The following BMPER variants were observed in gnomAD, a reference collection of about 807,000 sequenced individuals.
BMPER encodes BMP binding endothelial regulator.
In BMPER, 45 loss-of-function variants were observed where a neutral mutation model predicts 87.3. The ratio of observed to expected loss-of-function variants is 0.52; its 90% CI spans 0.41 to 0.66. The LOEUF is 0.66. Among genes scored for constraint, BMPER ranks in the 30% least tolerant of loss-of-function variants. The pLI is 0.00. For synonymous variants in BMPER, 326 were observed against 316.2 expected (o/e 1.03, Z -0.33); for missense variants, 784 against 867.5 (o/e 0.90, Z 1.21).
intron 13 of BMPER, among the ~76,000 whole-genome samples, chr7:34,118,673 A>G (rs1232518685): frequency 6.6e-6 from 1 of 152,202 alleles, no homozygotes; most frequent in African/African-American, 2.4e-5. Context: ...GCAACCATAT[A>G]CAAATAGTCA....
chr7:34,024,357 C>CAAAAAAAAAAAAAAAA (rs1169634357), intron 6 of BMPER, among the ~76,000 whole-genome samples: 1 of 4,654 alleles, frequency 2.1e-4, no homozygotes, highest in African/African-American at 1.2e-3. Flanking sequence ...AACTCTGTCT[C>CAAAAAAAAAAAAAAAA]AAAAAAAAAA....
Position 33,905,637 on chromosome 7 carries a change from G to T in BMPER, c.24G>T (p.Gly8=). 1 of 1,613,190 alleles carries T rather than the reference G, an allele frequency of 6.2e-7. No individual in the cohort carries two copies. The highest frequency in any genetic ancestry group is 8.5e-7 in the Non-Finnish European group (1 of 1,179,920). Residue 8 remains glycine, a synonymous_variant, in exon 1 of 15, where the codon GGG becomes GGT. Coordinates refer to ENST00000649409, the MANE Select transcript of BMPER (RefSeq NM_001365308.1). ...CGATGCTCTGGTTCTCCGGCGTCGGGGCTCTGGCTGAGCGTTACTGCCGCC... is the reference window on the plus strand; with the variant it reads ...CGATGCTCTGGTTCTCCGGCGTCGGTGCTCTGGCTGAGCGTTACTGCCGCC... MLWFSGV[G]ALAERYCRRS...
chr7:33,979,879 TGTG>T (rs1025717044), intron 6 of BMPER, among the ~76,000 whole-genome samples: 1 of 152,268 alleles, frequency 6.6e-6, no homozygotes, highest in Non-Finnish European at 1.5e-5. Flanking sequence ...GTTTTCGTGA[TGTG>T]GTGACAGAGA....
chr7:34,133,944 A>G (rs529056120), intron 13 of BMPER, among the ~76,000 whole-genome samples: 2 of 152,276 alleles, frequency 1.3e-5, no homozygotes, highest in Admixed American at 6.5e-5. Context: ...ACTCTCTTGT[A>G]CTTGAGATTC....
At chr7:33,918,098 C>T (rs1165224556) in intron 2 of BMPER, among the ~76,000 whole-genome samples, 1 of 152,184 alleles carries the variant, frequency 6.6e-6, no homozygotes, top group Admixed American at 6.5e-5. Context: ...GCCTTGGCCT[C>T]CCAAAGTGCT....
At chr7:33,959,830 A>G (rs1785227625) in intron 3 of BMPER, among the ~76,000 whole-genome samples, 1 of 152,220 alleles carries the variant, frequency 6.6e-6, no homozygotes, top group African/African-American at 2.4e-5. Flanking sequence ...CGACTGAGCC[A>G]CAATTTCATC....
At chr7:34,093,771 A>T (rs565278916) in intron 13 of BMPER, among the ~76,000 whole-genome samples, 1 of 152,306 alleles carries the variant, frequency 6.6e-6, no homozygotes, top group Admixed American at 6.5e-5. Flanking sequence ...CACAGATTTG[A>T]ATAAGTGTCA....
At chr7:34,137,519 A>C (rs532093972) in intron 13 of BMPER, among the ~76,000 whole-genome samples, 1 of 152,354 alleles carries the variant, frequency 6.6e-6, no homozygotes, top group South Asian at 2.1e-4. Context: ...TAAGCCAGAC[A>C]CAGTCCTTGT....
intron 6 of BMPER, among the ~76,000 whole-genome samples, chr7:34,028,607 T>G (rs1787434900): frequency 9.1e-6 from 1 of 110,492 alleles, no homozygotes; most frequent in African/African-American, 4.1e-5. Flanking sequence ...TTCTGTTTTT[T>G]TTTTTTTTTT....
At chr7:33,925,695 CTG>C (rs1784340973) in intron 2 of BMPER, among the ~76,000 whole-genome samples, 1 of 152,086 alleles carries the variant, frequency 6.6e-6, no homozygotes, top group African/African-American at 2.4e-5. Flanking sequence ...CCTTATTTTC[CTG>C]TGATATATGT....
In BMPER at chr7:34,086,000, GGT is replaced by G; in HGVS notation, c.1654_1655del (p.Val552LysfsTer38). On this transcript the variant is annotated frameshift_variant, in exon 13 of 15. Coordinates refer to ENST00000649409, the MANE Select transcript of BMPER (RefSeq NM_001365308.1). LOFTEE classifies it high-confidence loss of function. ...CTGAACTGTGTCAAGGGACAGTCAA[GGT>G]AAAGCTCCGGGCCCATCGAGAATGC... The part of the protein sequence containing the change: ...VPELCQGTVK[V>X]KLRAHRECQK... The G allele has an allele frequency of 6.2e-7, 1 of 1,614,098 alleles. No individual in the cohort carries two copies. The highest frequency in any genetic ancestry group is 8.5e-7 in the Non-Finnish European group (1 of 1,180,038).
chr7:33,944,183 T>C (rs970112621), intron 3 of BMPER, among the ~76,000 whole-genome samples: 2 of 152,132 alleles, frequency 1.3e-5, no homozygotes, highest in African/African-American at 4.8e-5. Context: ...ATTATTATTA[T>C]TGAGACAGGT....
At chr7:34,089,582 C>G (rs577130689) in intron 13 of BMPER, among the ~76,000 whole-genome samples, 1 of 152,068 alleles carries the variant, frequency 6.6e-6, no homozygotes, top group Non-Finnish European at 1.5e-5. Context: ...CCCACAGGTT[C>G]GAATGATGCT....
At chr7:34,065,238 CTCTCTCTCT>C (rs1788552419) in intron 11 of BMPER, among the ~76,000 whole-genome samples, 2 of 150,714 alleles carry the variant, frequency 1.3e-5, no homozygotes, top group Non-Finnish European at 3.0e-5. Flanking sequence ...CTCTCTCTCT[CTCTCTCTCT>C]CCCTCTCTCT....
intron 6 of BMPER, among the ~76,000 whole-genome samples, chr7:33,986,007 C>G (rs1407757800): frequency 2.6e-5 from 4 of 152,202 alleles, no homozygotes; most frequent in African/African-American, 9.6e-5. Context: ...AAAAGTGAGT[C>G]AGCATTGTCA....
At chr7:34,060,895 T>C (rs1015338349) in intron 10 of BMPER, among the ~76,000 whole-genome samples, 10 of 152,320 alleles carry the variant, frequency 6.6e-5, no homozygotes, top group Admixed American at 5.2e-4. Context: ...AAATATTAAA[T>C]TATATTCAAG....
At chr7:33,940,215 T>C (rs1784719477) in intron 3 of BMPER, among the ~76,000 whole-genome samples, 1 of 152,204 alleles carries the variant, frequency 6.6e-6, no homozygotes, top group Non-Finnish European at 1.5e-5. Flanking sequence ...GCTACCCATA[T>C]TGCATTATTT....
intron 6 of BMPER, among the ~76,000 whole-genome samples, chr7:33,997,663 G>A (rs778709961): frequency 2.0e-5 from 3 of 152,084 alleles, no homozygotes; most frequent in Non-Finnish European, 4.4e-5. Flanking sequence ...GTGTGAAAAC[G>A]GAGTAATATA....
intron 3 of BMPER, chr7:33,940,000 A>G: frequency 3.6e-6 from 1 of 278,838 alleles, no homozygotes; most frequent in South Asian, 3.6e-5. Context: ...ACTCTTAAAT[A>G]CTGGAGACTC....
Sources: gnomAD v4.1 joint callset for allele counts (sites outside exome capture counted in the v4.1 genomes callset) on GRCh38, gnomAD v4.1.1 for gene constraint, MANE v1.5 for transcripts, NCBI Gene and HGNC (gene_info 2026-07-23, HGNC 2026-07-21) for gene names.